The following KCND2 variants were observed in gnomAD, a reference collection of about 807,000 sequenced individuals.
The protein encoded by KCND2 is A-type voltage-gated potassium channel KCND2.
In KCND2, 16 loss-of-function variants were observed where a neutral mutation model predicts 54.4. The observed-to-expected ratio is 0.29, with a 90% confidence interval of 0.20 to 0.45. KCND2 has a LOEUF of 0.45. KCND2 is among the 20% of genes least tolerant of loss of function. KCND2 has a pLI of 1.00. For synonymous variants in KCND2, 317 were observed against 310.7 expected (o/e 1.02, Z -0.21); for missense variants, 486 against 824.2 (o/e 0.59, Z 5.02).
At chr7:120,574,048 A>C (rs1344011100) in intron 1 of KCND2, among the ~76,000 whole-genome samples, 1 of 152,204 alleles carries the variant, frequency 6.6e-6, no homozygotes, top group Non-Finnish European at 1.5e-5. Flanking sequence ...AGACTAAGTT[A>C]ATGATCCTTT....
At chr7:120,546,586 CCTTCCATA>C (rs971220716) in intron 1 of KCND2, among the ~76,000 whole-genome samples, 1 of 151,848 alleles carries the variant, frequency 6.6e-6, no homozygotes, top group African/African-American at 2.4e-5. Flanking sequence ...TCTGCCATAC[CCTTCCATA>C]TACATTCATG....
chr7:120,446,114 C>G (rs1243097606), intron 1 of KCND2, among the ~76,000 whole-genome samples: 3 of 152,092 alleles, frequency 2.0e-5, no homozygotes, highest in African/African-American at 4.8e-5. Context: ...TTAACCATGT[C>G]CTGGAGTCTT....
intron 1 of KCND2, among the ~76,000 whole-genome samples, chr7:120,396,874 A>T (rs1801162762): frequency 6.6e-6 from 1 of 152,014 alleles, no homozygotes; most frequent in Admixed American, 6.6e-5. Flanking sequence ...TTATTGAATG[A>T]CTTGAAGCTT....
intron 1 of KCND2, among the ~76,000 whole-genome samples, chr7:120,472,035 A>T (rs1471513582): frequency 6.6e-6 from 1 of 151,898 alleles, no homozygotes; most frequent in Non-Finnish European, 1.5e-5. Flanking sequence ...AAATAAAAAG[A>T]AAAAACCAGA....
chr7:120,470,818 A>G (rs879936441), intron 1 of KCND2, among the ~76,000 whole-genome samples: 1 of 150,128 alleles, frequency 6.7e-6, no homozygotes, highest in Non-Finnish European at 1.5e-5. Flanking sequence ...ATTACATGAC[A>G]TTATATTTAA....
chr7:120,577,671 C>T (rs1792454429), intron 1 of KCND2, among the ~76,000 whole-genome samples: 1 of 152,138 alleles, frequency 6.6e-6, no homozygotes, highest in South Asian at 2.1e-4. Context: ...CTGCAACCTC[C>T]GCCTCCGGGG....
chr7:120,446,250 T>C (rs983209564), intron 1 of KCND2, among the ~76,000 whole-genome samples: 3 of 152,144 alleles, frequency 2.0e-5, no homozygotes, highest in African/African-American at 7.2e-5. Flanking sequence ...TTCAGAGAGA[T>C]AGAGTTTAGC....
intron 1 of KCND2, among the ~76,000 whole-genome samples, chr7:120,624,831 A>G (rs1438021283): frequency 6.6e-6 from 1 of 152,052 alleles, no homozygotes; most frequent in East Asian, 1.9e-4. Context: ...TCAATCAAGT[A>G]TCTTCCATAG....
chr7:120,725,731 T>C (rs943235639), intron 1 of KCND2, among the ~76,000 whole-genome samples: 5 of 152,226 alleles, frequency 3.3e-5, no homozygotes, highest in Non-Finnish European at 5.9e-5. Context: ...GTTGACAATA[T>C]TTAACATCGA....
chr7:120,653,981 C>G (rs111605541), intron 1 of KCND2, among the ~76,000 whole-genome samples: 3 of 152,308 alleles, frequency 2.0e-5, no homozygotes, highest in Non-Finnish European at 4.4e-5. Flanking sequence ...AGCGTTTTCT[C>G]TCTACCCAGC....
intron 1 of KCND2, among the ~76,000 whole-genome samples, chr7:120,403,950 C>G: frequency 6.6e-6 from 1 of 151,908 alleles, no homozygotes; most frequent in East Asian, 1.9e-4. Context: ...AAATCATTTT[C>G]AGAATTTTTA....
chr7:120,572,177 CTT>C (rs201166496), intron 1 of KCND2, among the ~76,000 whole-genome samples: 4 of 139,260 alleles, frequency 2.9e-5, no homozygotes, highest in African/African-American at 5.3e-5. Flanking sequence ...ACTATGAATG[CTT>C]TTTTTTTTTT....
intron 1 of KCND2, among the ~76,000 whole-genome samples, chr7:120,563,567 T>A (rs969311655): frequency 6.6e-6 from 1 of 152,174 alleles, no homozygotes; most frequent in Admixed American, 6.5e-5. Context: ...GAAATCAATA[T>A]CTTCAATGTC....
At chr7:120,627,133 T>C (rs1337799212) in intron 1 of KCND2, among the ~76,000 whole-genome samples, 1 of 152,162 alleles carries the variant, frequency 6.6e-6, no homozygotes, top group Non-Finnish European at 1.5e-5. Flanking sequence ...CAACTGGAAA[T>C]TAAGTTCACC....
chr7:120,510,219 G>A (rs12671351), intron 1 of KCND2, among the ~76,000 whole-genome samples: 1 of 152,094 alleles, frequency 6.6e-6, no homozygotes, highest in Non-Finnish European at 1.5e-5. Flanking sequence ...AGAGACACTA[G>A]ATGCTGTTCT....
chr7:120,547,095 AAAAAT>A (rs1249341987), intron 1 of KCND2, among the ~76,000 whole-genome samples: 2 of 152,068 alleles, frequency 1.3e-5, no homozygotes, highest in African/African-American at 2.4e-5. Context: ...ACAATTAACT[AAAAAT>A]AAAGTATAAA....
chr7:120,309,995 T>C (rs1799714177), intron 1 of KCND2, among the ~76,000 whole-genome samples: 1 of 152,162 alleles, frequency 6.6e-6, no homozygotes, highest in Non-Finnish European at 1.5e-5. Context: ...TGTCTCCAAA[T>C]CTCAGTTTTT....
intron 1 of KCND2, among the ~76,000 whole-genome samples, chr7:120,711,919 A>G (rs998769995): frequency 1.3e-5 from 2 of 152,182 alleles, no homozygotes; most frequent in African/African-American, 2.4e-5. Context: ...TACACAGGCT[A>G]AAGTGAGTAG....
chr7:120,619,508 G>A (rs370855849), intron 1 of KCND2, among the ~76,000 whole-genome samples: 1 of 152,320 alleles, frequency 6.6e-6, no homozygotes. Flanking sequence ...AAGATGAATA[G>A]ATCTTCCATG....
Sources: gnomAD v4.1 joint callset for allele counts (sites outside exome capture counted in the v4.1 genomes callset) on GRCh38, gnomAD v4.1.1 for gene constraint, MANE v1.5 for transcripts, NCBI Gene and HGNC (gene_info 2026-07-23, HGNC 2026-07-21) for gene names.